Variants in N4BP2L2 observed in about 807,000 individuals in gnomAD.
N4BP2L2 encodes the protein NEDD4 binding protein 2 like 2, also known as NEDD4-binding protein 2-like 2.
In N4BP2L2, 50 loss-of-function variants were observed where a neutral mutation model predicts 56.2. The ratio of observed to expected loss-of-function variants is 0.89; its 90% confidence interval spans 0.71 to 1.13. The LOEUF (loss-of-function observed/expected upper bound fraction) is 1.13, where lower values mean the gene tolerates loss of function less well. Ranked by LOEUF, N4BP2L2 falls within the 50% of genes most tolerant of loss-of-function variation. N4BP2L2 has a pLI of 0.00. For missense variants in N4BP2L2, 689 were observed against 693.8 expected (o/e 0.99, Z 0.08); for synonymous variants, 203 against 223.6 (o/e 0.91, Z 0.82).
rs1295908222 is a variant in N4BP2L2 at position 32,433,965 on chromosome 13, AAAAG to A, written c.*22-997_*22-994del. On this transcript the variant is annotated intron_variant, in intron 9 of 9. Transcript: ENST00000357505. ...AAAAAAAAAAAGAAAAGAAAAGAAA[AAAAG>A]AAAGGCAATGCTTTAATCCAAGGCA... 9.2e-5 allele frequency among the ~76,000 whole-genome samples: 14 copies of A among 151,386 alleles called. No individual in the cohort carries two copies. The East Asian group carries it at 2.3e-3, about 25-fold the overall frequency.
intron 3 of N4BP2L2, chr13:32,522,729 C>G (rs1271402690): frequency 6.6e-6 from 1 of 152,246 alleles, no homozygotes; most frequent in East Asian, 1.9e-4. Context: ...AAAGATAGAG[C>G]TGGGGAAGAC....
At chr13:32,469,771 T>C (rs1486886453) in intron 6 of N4BP2L2, among the ~76,000 whole-genome samples, 1 of 152,212 alleles carries the variant, frequency 6.6e-6, no homozygotes, top group African/African-American at 2.4e-5. Flanking sequence ...TGTCAGACGA[T>C]GAAAGTCAAG....
At chr13:32,462,741 T>C (rs1053284058) in intron 6 of N4BP2L2, among the ~76,000 whole-genome samples, 2 of 151,382 alleles carry the variant, frequency 1.3e-5, no homozygotes, top group Admixed American at 6.6e-5. Flanking sequence ...AATGTACAAA[T>C]ATTGGCCAGT....
At chr13:32,522,479 T>C in intron 3 of N4BP2L2, 2 of 345,724 alleles carry the variant, frequency 5.8e-6, no homozygotes, top group Non-Finnish European at 1.0e-5. Flanking sequence ...TTCTCCAGAC[T>C]GGATGCTGGC....
At chr13:32,529,986 A>G (rs71436485) in intron 2 of N4BP2L2, among the ~76,000 whole-genome samples, 4,813 of 152,240 alleles carry the variant, frequency 0.032, 105 homozygotes, top group Middle Eastern at 0.065. Flanking sequence ...TCAGCCTCCT[A>G]AAGTGCTGGG....
At chr13:32,487,063 G>A (rs13378953) in intron 6 of N4BP2L2, among the ~76,000 whole-genome samples, 2,615 of 152,116 alleles carry the variant, frequency 0.017, 75 homozygotes, top group African/African-American at 0.059. Flanking sequence ...ACAGTGGCCC[G>A]CACCCGTAAT....
At chr13:32,464,870 C>A (rs2080932367) in intron 6 of N4BP2L2, among the ~76,000 whole-genome samples, 1 of 151,966 alleles carries the variant, frequency 6.6e-6, no homozygotes, top group African/African-American at 2.4e-5. Flanking sequence ...AAAACTAATA[C>A]AAATTAAAAC....
intron 7 of N4BP2L2, among the ~76,000 whole-genome samples, chr13:32,440,350 A>C (rs2146994): frequency 0.35 from 53,107 of 152,148 alleles, 10,899 homozygotes; most frequent in East Asian, 0.68. Flanking sequence ...TGGCCTCTTG[A>C]GTCTTACAGC....
intron 5 of N4BP2L2, among the ~76,000 whole-genome samples, chr13:32,518,763 A>G (rs1412896181): frequency 6.6e-6 from 1 of 152,224 alleles, no homozygotes; most frequent in Non-Finnish European, 1.5e-5. Context: ...GATGCTGGCA[A>G]TGCTCCCATG....
chr13:32,443,694 G>A, exon 7 of N4BP2L2: 1 of 1,603,332 alleles, frequency 6.2e-7, no homozygotes, highest in Non-Finnish European at 8.5e-7. Context: ...CACAGGAAAG[G>A]TTTTGAGTCA....
At chr13:32,460,999 A>G (rs1423355847) in intron 6 of N4BP2L2, among the ~76,000 whole-genome samples, 1 of 152,194 alleles carries the variant, frequency 6.6e-6, no homozygotes, top group African/African-American at 2.4e-5. Flanking sequence ...GGCACCAAGA[A>G]CATACATTAG....
intron 6 of N4BP2L2, among the ~76,000 whole-genome samples, chr13:32,454,409 C>T (rs2078605935): frequency 6.6e-6 from 1 of 151,966 alleles, no homozygotes; most frequent in Non-Finnish European, 1.5e-5. Flanking sequence ...GGAGCAGAAA[C>T]AAACCTTGGG....
intron 2 of N4BP2L2, among the ~76,000 whole-genome samples, chr13:32,528,371 A>G (rs2140192937): frequency 6.6e-6 from 1 of 152,370 alleles, no homozygotes; most frequent in African/African-American, 2.4e-5. Context: ...TGATCCTCCA[A>G]AGTATAATCA....
chr13:32,493,423 C>T (rs141348461), intron 6 of N4BP2L2, among the ~76,000 whole-genome samples: 1 of 152,302 alleles, frequency 6.6e-6, no homozygotes, highest in East Asian at 1.9e-4. Flanking sequence ...ACAGTACATT[C>T]ATGGTTTAAA....
At chr13:32,476,838 G>T (rs1238479985) in intron 6 of N4BP2L2, among the ~76,000 whole-genome samples, 2 of 152,142 alleles carry the variant, frequency 1.3e-5, no homozygotes, top group Non-Finnish European at 2.9e-5. Context: ...ACTAAATAAA[G>T]TTGAAAAAGT....
intron 6 of N4BP2L2, among the ~76,000 whole-genome samples, chr13:32,480,093 T>C (rs140086206): frequency 1.6e-3 from 244 of 152,080 alleles, no homozygotes; most frequent in Middle Eastern, 3.4e-3. Flanking sequence ...CTTCAAAACA[T>C]TAAAGTCAAA....
chr13:32,531,295 T>C (rs1405728851), intron 2 of N4BP2L2, among the ~76,000 whole-genome samples: 1 of 152,190 alleles, frequency 6.6e-6, no homozygotes, highest in East Asian at 1.9e-4. Flanking sequence ...TAACCTGTTA[T>C]ACAGCCTTGA....
chr13:32,433,373 G>A (rs1038780051), intron 9 of N4BP2L2, among the ~76,000 whole-genome samples: 9 of 152,242 alleles, frequency 5.9e-5, no homozygotes, highest in Non-Finnish European at 1.0e-4. Flanking sequence ...GCTCACGCCT[G>A]TAATCCCAGC....
chr13:32,493,609 CTG>C (rs2087740257), intron 6 of N4BP2L2, among the ~76,000 whole-genome samples: 1 of 152,146 alleles, frequency 6.6e-6, no homozygotes, highest in African/African-American at 2.4e-5. Flanking sequence ...AGCAAAGTCT[CTG>C]TCAAGGTTTC....
Sources: gnomAD v4.1 joint callset for allele counts (sites outside exome capture counted in the v4.1 genomes callset) on GRCh38, gnomAD v4.1.1 for gene constraint, MANE v1.5 for transcripts, NCBI Gene and HGNC (gene_info 2026-07-23, HGNC 2026-07-21) for gene names.